Variants in DENND4C observed in about 807,000 individuals in gnomAD.
DENND4C encodes the protein DENN domain-containing protein 4C.
Under a neutral mutation model 203.0 loss-of-function variants are expected in DENND4C, and 108 were observed. The observed-to-expected ratio is 0.53, with a 90% CI of 0.46 to 0.62. The LOEUF is 0.62. Among genes scored for constraint, DENND4C ranks in the 20% least tolerant of loss-of-function variants. The pLI, the probability that DENND4C is intolerant of heterozygous loss-of-function variation, is 0.00. For missense variants in DENND4C, 2,481 were observed against 2,301.2 expected, an observed-to-expected ratio of 1.08 and a Z score of -1.60; for synonymous variants, 871 against 792.4, an observed-to-expected ratio of 1.10 and a Z score of -1.67.
intron 10 of DENND4C, among the ~76,000 whole-genome samples, chr9:19,315,601 A>G (rs181258175): frequency 6.6e-6 from 1 of 150,542 alleles, no homozygotes; most frequent in Non-Finnish European, 1.5e-5. Context: ...ATGTGTGTGT[A>G]TATATATACA....
intron 1 of DENND4C, among the ~76,000 whole-genome samples, chr9:19,234,675 G>A (rs534201088): frequency 9.2e-5 from 14 of 151,702 alleles, no homozygotes; most frequent in African/African-American, 2.9e-4. Context: ...CTATAGGTGC[G>A]CGTGCATGTG....
intron 1 of DENND4C, among the ~76,000 whole-genome samples, chr9:19,241,041 T>A (rs531633906): frequency 1.4e-4 from 22 of 152,242 alleles, no homozygotes; most frequent in African/African-American, 5.1e-4. Flanking sequence ...GTGGTACACC[T>A]ATAATAGGGC....
intron 2 of DENND4C, among the ~76,000 whole-genome samples, chr9:19,279,546 G>C (rs560503873): frequency 6.6e-6 from 1 of 151,902 alleles, no homozygotes; most frequent in South Asian, 2.1e-4. Context: ...GCATGGTGGC[G>C]AGCACCTGTA....
At chr9:19,253,451 G>C (rs1465456758) in intron 1 of DENND4C, among the ~76,000 whole-genome samples, 1 of 152,188 alleles carries the variant, frequency 6.6e-6, no homozygotes, top group Non-Finnish European at 1.5e-5. Context: ...AAAAGGAACT[G>C]ATTTTATCTG....
chr9:19,365,423 A>C (rs1827433160), intron 30 of DENND4C, among the ~76,000 whole-genome samples: 1 of 152,126 alleles, frequency 6.6e-6, no homozygotes, highest in Non-Finnish European at 1.5e-5. Flanking sequence ...CATCTATGAA[A>C]ATCTACAGTT....
At chr9:19,237,589 C>G (rs1822327040) in intron 1 of DENND4C, among the ~76,000 whole-genome samples, 1 of 151,782 alleles carries the variant, frequency 6.6e-6, no homozygotes, top group African/African-American at 2.4e-5. Context: ...GATCTCCTCA[C>G]TTTGTGATCC....
intron 6 of DENND4C, among the ~76,000 whole-genome samples, chr9:19,297,568 A>T (rs1361987678): frequency 6.6e-6 from 1 of 152,194 alleles, no homozygotes; most frequent in Non-Finnish European, 1.5e-5. Flanking sequence ...CAGTTGAAGT[A>T]ATATGTTGCG....
chr9:19,297,965 G>A, intron 6 of DENND4C, 91 bp from the exon 7 acceptor site: 1 of 996,754 alleles, frequency 1.0e-6, no homozygotes, highest in Non-Finnish European at 1.5e-6. Context: ...GTCATATCTG[G>A]GATGATATAT....
At chr9:19,343,927 A>T (rs1021526494) in intron 22 of DENND4C, among the ~76,000 whole-genome samples, 16 of 152,250 alleles carry the variant, frequency 1.1e-4, no homozygotes, top group African/African-American at 3.9e-4. Context: ...ATACTATGAG[A>T]ACCAATAATA....
At chr9:19,337,728 C>A (rs962175403) in intron 20 of DENND4C, 1 of 1,051,304 alleles carries the variant, frequency 9.5e-7, no homozygotes, top group Non-Finnish European at 1.3e-6. Flanking sequence ...GGGGGAAAGA[C>A]CTTTCATTGT....
chr9:19,297,245 T>C (rs1837654223), intron 6 of DENND4C, among the ~76,000 whole-genome samples: 1 of 152,192 alleles, frequency 6.6e-6, no homozygotes, highest in Non-Finnish European at 1.5e-5. Flanking sequence ...CATACTAGTT[T>C]AGTGGATAAG....
intron 1 of DENND4C, among the ~76,000 whole-genome samples, chr9:19,236,474 A>G (rs1821994519): frequency 6.6e-6 from 1 of 152,238 alleles, no homozygotes; most frequent in South Asian, 2.1e-4. Flanking sequence ...CTGGAGAGTA[A>G]GTAGAGGCTG....
At chr9:19,318,211 C>G (rs551607011) in intron 12 of DENND4C, among the ~76,000 whole-genome samples, 1 of 151,864 alleles carries the variant, frequency 6.6e-6, no homozygotes, top group Non-Finnish European at 1.5e-5. Context: ...CCCAGCTATT[C>G]GGGAGGCTAA....
chr9:19,291,962 TAA>T (rs1211799998), intron 5 of DENND4C, among the ~76,000 whole-genome samples: 58 of 152,080 alleles, frequency 3.8e-4, no homozygotes, highest in Non-Finnish European at 1.5e-5. Context: ...GTCTTCAGGT[TAA>T]AGATGTACTC....
chr9:19,280,001 G>A (rs1347126561), intron 2 of DENND4C, among the ~76,000 whole-genome samples: 2 of 137,516 alleles, frequency 1.5e-5, no homozygotes, highest in African/African-American at 2.7e-5. Flanking sequence ...AGAAGGAAGG[G>A]TAGGAAATAT....
At chr9:19,370,146 G>A (rs1828525527) in intron 31 of DENND4C, 159 bp downstream of exon 31, 2 of 875,834 alleles carry the variant, frequency 2.3e-6, no homozygotes, top group Non-Finnish European at 3.5e-6. Context: ...ATTCCTACTT[G>A]AACACAAACA....
intron 12 of DENND4C, among the ~76,000 whole-genome samples, chr9:19,321,771 G>T (rs967421382): frequency 2.0e-5 from 3 of 148,812 alleles, no homozygotes; most frequent in Non-Finnish European, 3.0e-5. Context: ...GGTGGAGGTT[G>T]TAGTGAGCCG....
chr9:19,234,574 C>T (rs1011932904), intron 1 of DENND4C, among the ~76,000 whole-genome samples: 2 of 142,650 alleles, frequency 1.4e-5, no homozygotes, highest in Non-Finnish European at 3.0e-5. Context: ...ACTTTGTCAC[C>T]TAGGCTAGAG....
At chr9:19,281,712 A>G (rs893523833) in intron 2 of DENND4C, among the ~76,000 whole-genome samples, 2 of 152,244 alleles carry the variant, frequency 1.3e-5, no homozygotes, top group East Asian at 1.9e-4. Context: ...AATGTGTTCT[A>G]TGGCGATTTT....
Sources: allele counts gnomAD v4.1 joint callset (sites outside exome capture counted in the v4.1 genomes callset), GRCh38; gene constraint gnomAD v4.1.1; transcripts MANE v1.5; gene names NCBI Gene and HGNC (gene_info 2026-07-23, HGNC 2026-07-21).